The following AGAP1 variants were observed in gnomAD, a reference collection of about 807,000 sequenced individuals.
AGAP1 encodes ArfGAP with GTPase domain, ankyrin repeat and PH domain 1.
AGAP1 carries 29 observed loss-of-function variants against 105.3 expected under a neutral mutation model. That is an observed-to-expected ratio of 0.28 (90% CI 0.21 to 0.38). The LOEUF (loss-of-function observed/expected upper bound fraction) is 0.38. Among genes scored for constraint, AGAP1 ranks in the 10% least tolerant of loss-of-function variants. The pLI, the probability that AGAP1 is intolerant of heterozygous loss-of-function variation, is 1.00. For missense variants in AGAP1, 998 were observed against 1,165.1 expected (o/e 0.86, Z 2.09); for synonymous variants, 509 against 485.9 (o/e 1.05, Z -0.63).
chr2:236,098,417 A>G (rs2059248323), intron 16 of AGAP1, among the ~76,000 whole-genome samples: 1 of 151,930 alleles, frequency 6.6e-6, no homozygotes, highest in Non-Finnish European at 1.5e-5. Flanking sequence ...CTAAAAATAA[A>G]AAATCAGCCG....
chr2:236,036,400 G>A lies in AGAP1; in HGVS notation c.1646-161G>A, dbSNP rs547060743. Among the ~76,000 whole-genome samples the A allele has an allele frequency of 3.9e-4, 59 of 152,318 alleles. 1 individual carries two copies. The South Asian group carries it at 0.012, about 31-fold the overall frequency. On this transcript the variant is annotated intron_variant, in intron 13 of 17. Transcript: ENST00000304032. The surrounding 1 kb of genome is among the most constrained non-coding windows in gnomAD (Gnocchi z 5.7). ...AACCACATCTGGACTGTTGGGAGGTGCATGGATTCAAATCTCCGCCGCCGT... is the reference window on the plus strand; with the variant it reads ...AACCACATCTGGACTGTTGGGAGGTACATGGATTCAAATCTCCGCCGCCGT...
At chr2:235,585,975 T>C (rs1457382320) in intron 1 of AGAP1, among the ~76,000 whole-genome samples, 1 of 152,166 alleles carries the variant, frequency 6.6e-6, no homozygotes, top group Non-Finnish European at 1.5e-5. Flanking sequence ...TTCTCAGGTT[T>C]CAGGGTTGCA....
At chr2:235,668,164 G>A (rs1408699514) in intron 1 of AGAP1, among the ~76,000 whole-genome samples, 4 of 152,062 alleles carry the variant, frequency 2.6e-5, no homozygotes, top group Admixed American at 1.3e-4. Context: ...AGGGTGCTCA[G>A]GTGTATTTTA....
At chr2:236,069,284 C>T (rs575645626) in intron 16 of AGAP1, among the ~76,000 whole-genome samples, 2 of 151,772 alleles carry the variant, frequency 1.3e-5, no homozygotes, top group African/African-American at 2.4e-5. Flanking sequence ...AATATACATA[C>T]GTTATGATGT....
chr2:235,718,136 A>ATT (rs528028937), intron 3 of AGAP1, among the ~76,000 whole-genome samples: 4 of 148,290 alleles, frequency 2.7e-5, no homozygotes, highest in Non-Finnish European at 6.0e-5. Context: ...TGAGAGTAAG[A>ATT]TTTTTTTTTT....
chr2:235,674,896 C>G (rs1948642369), intron 1 of AGAP1, among the ~76,000 whole-genome samples: 1 of 151,922 alleles, frequency 6.6e-6, no homozygotes, highest in Admixed American at 6.6e-5. Flanking sequence ...ACCATGTTGG[C>G]CAGGATGGTC....
At chr2:235,969,923 C>T (rs1465126504) in intron 13 of AGAP1, among the ~76,000 whole-genome samples, 2 of 152,206 alleles carry the variant, frequency 1.3e-5, no homozygotes, top group Admixed American at 6.5e-5. Context: ...GATTTTTCGT[C>T]GGGCACGGTG....
chr2:235,722,160 CGT>C (rs1172479662), intron 3 of AGAP1, among the ~76,000 whole-genome samples: 2 of 152,164 alleles, frequency 1.3e-5, no homozygotes, highest in Non-Finnish European at 2.9e-5. Flanking sequence ...CGTGCTCACA[CGT>C]GTGTGTGCAC....
chr2:235,930,431 C>T lies in AGAP1; in HGVS notation c.1325-334C>T, dbSNP rs1458823123. On this transcript the variant is annotated intron_variant, in intron 11 of 17. Transcript: ENST00000304032. The surrounding 1 kb of genome is among the most constrained non-coding windows in gnomAD (Gnocchi z 7.9). Reference sequence around the variant, plus strand: ...GCCGGCCTGCCGGATCGCGGTGTCTCTGCTAAGACTCGCTGGGTCTTTTGT... The same window carrying T: ...GCCGGCCTGCCGGATCGCGGTGTCTTTGCTAAGACTCGCTGGGTCTTTTGT... Among the ~76,000 whole-genome samples, 1 of 152,214 alleles carries T rather than the reference C, an allele frequency of 6.6e-6. No homozygotes were observed. The highest frequency in any genetic ancestry group is 1.5e-5 in the Non-Finnish European group (1 of 68,044).
intron 1 of AGAP1, among the ~76,000 whole-genome samples, chr2:235,497,339 T>C (rs1401108466): frequency 1.3e-5 from 2 of 152,180 alleles, no homozygotes; most frequent in Non-Finnish European, 2.9e-5. Flanking sequence ...TCACAGTAAC[T>C]GCAGAGGGCT....
chr2:235,677,789 C>T (rs981428472), intron 1 of AGAP1, among the ~76,000 whole-genome samples: 1 of 151,548 alleles, frequency 6.6e-6, no homozygotes, highest in Non-Finnish European at 1.5e-5. Context: ...TGATGCGGCT[C>T]CTGCCCTCTC....
chr2:235,511,131 G>T (rs562158164), intron 1 of AGAP1, among the ~76,000 whole-genome samples: 1 of 152,130 alleles, frequency 6.6e-6, no homozygotes, highest in African/African-American at 2.4e-5. Flanking sequence ...TGGAGGTGAG[G>T]GATGCTGCCC....
In AGAP1 at chr2:235,907,274, C is replaced by T. The variant is rs1013249341; in HGVS notation, c.1156-1464C>T. 5.9e-5 allele frequency among the ~76,000 whole-genome samples: 9 copies of T among 152,298 alleles called. No homozygotes were observed. The East Asian group carries it at 1.7e-3, about 29-fold the overall frequency. ...CCCACTTCTCCACCCTGCCTCGGTC[C>T]CTTGCATCCAGCATGTGAGTTTATT... On this transcript the variant is annotated intron_variant, in intron 10 of 17. Transcript: ENST00000304032.
At chr2:235,938,413 C>T (rs1172090708) in intron 12 of AGAP1, among the ~76,000 whole-genome samples, 7 of 152,196 alleles carry the variant, frequency 4.6e-5, no homozygotes, top group South Asian at 2.1e-4. Flanking sequence ...CCCCCTGCTG[C>T]GCGTATGAAG....
chr2:235,828,039 TACA>T (rs1174802097), intron 9 of AGAP1, among the ~76,000 whole-genome samples: 1 of 152,224 alleles, frequency 6.6e-6, no homozygotes, highest in African/African-American at 2.4e-5. Context: ...TTGACAGACT[TACA>T]ACAAGTATCC....
rs571202148 is a variant in AGAP1, at chr2:235,976,953, A to G, written c.1645+8330A>G. ...TCCTGACGCCACAGACAAGCATTTG[A>G]GCTCCTTAGCCTGCTACACAGAAGC... On this transcript the variant is annotated intron_variant, in intron 13 of 17. Transcript: ENST00000304032. The surrounding 1 kb of genome is among the most constrained non-coding windows in gnomAD (Gnocchi z 4.5). Among the ~76,000 whole-genome samples, 24 of 152,212 alleles carry G rather than the reference A, an allele frequency of 1.6e-4. No homozygotes were observed. The highest frequency in any genetic ancestry group is 2.8e-4 in the Non-Finnish European group (19 of 68,024).
chr2:235,512,021 TGAG>T (rs1258288537), intron 1 of AGAP1, among the ~76,000 whole-genome samples: 1 of 51,436 alleles, frequency 1.9e-5, no homozygotes, highest in African/African-American at 1.2e-4. Flanking sequence ...TGTGAATGTG[TGAG>T]GTGTGAATGT....
intron 13 of AGAP1, among the ~76,000 whole-genome samples, chr2:235,974,390 T>C (rs1349402431): frequency 6.6e-6 from 1 of 152,240 alleles, no homozygotes; most frequent in Non-Finnish European, 1.5e-5. Flanking sequence ...GTAGCAAAGA[T>C]CTTTCTTTAA....
chr2:235,976,365 TC>T lies in AGAP1; in HGVS notation c.1645+7744del, dbSNP rs1247873828. 2.0e-5 allele frequency among the ~76,000 whole-genome samples: 3 copies of T among 151,996 alleles called. No homozygotes were observed. The highest frequency in any genetic ancestry group is 2.4e-5 in the African/African-American group (1 of 41,384). ...TCAAAAGCCATCCTGCAGGGTACAG[TC>T]CGGCCGCCACAAACACACACAAGCA... On this transcript the variant is annotated intron_variant, in intron 13 of 17. Coordinates refer to ENST00000304032, the MANE Select transcript of AGAP1 (RefSeq NM_001037131.3). The surrounding 1 kb of genome is among the most constrained non-coding windows in gnomAD (Gnocchi z 4.5).
Sources: allele counts gnomAD v4.1 joint callset (sites outside exome capture counted in the v4.1 genomes callset), GRCh38; gene constraint gnomAD v4.1.1; non-coding constraint Gnocchi (gnomAD v3.1); transcripts MANE v1.5; gene names NCBI Gene and HGNC (gene_info 2026-07-23, HGNC 2026-07-21).